PEAK1: variants seen among roughly 807,000 people sequenced by gnomAD.
PEAK1 encodes the protein pseudopodium enriched atypical kinase 1.
A neutral mutation model predicts 124.7 loss-of-function variants in PEAK1; 54 were observed. That is an observed-to-expected ratio of 0.43 (90% CI 0.35 to 0.54). PEAK1 has a LOEUF of 0.54. Ranked by LOEUF, PEAK1 falls within the 20% of genes least tolerant of loss-of-function variation. The pLI, the probability that PEAK1 is intolerant of heterozygous loss-of-function variation, is 0.01. For missense variants in PEAK1, 2,046 were observed against 2,134.5 expected, an observed-to-expected ratio of 0.96 and a Z score of 0.82; for synonymous variants, 719 against 760.0, an observed-to-expected ratio of 0.95 and a Z score of 0.89.
intron 1 of PEAK1, among the ~76,000 whole-genome samples, chr15:77,387,751 T>G (rs2070075596): frequency 6.6e-6 from 1 of 151,992 alleles, no homozygotes; most frequent in Non-Finnish European, 1.5e-5. Context: ...GCAAAACAAT[T>G]AAAAATTAAA....
chr15:77,418,181 T>C, intron 1 of PEAK1: 5 of 985,352 alleles, frequency 5.1e-6, no homozygotes, highest in Non-Finnish European at 6.0e-6. Context: ...GGTATCATAA[T>C]AGTTCAAAGT....
At chr15:77,222,973 C>T (rs2059456168) in intron 6 of PEAK1, among the ~76,000 whole-genome samples, 1 of 151,992 alleles carries the variant, frequency 6.6e-6, no homozygotes, top group Non-Finnish European at 1.5e-5. Context: ...ATTGGTAATA[C>T]CTGCGAGCTT....
At chr15:77,255,613 T>C (rs113043347) in intron 5 of PEAK1, 3,418 of 152,736 alleles carry the variant, frequency 0.022, 63 homozygotes, top group Non-Finnish European at 0.037. Flanking sequence ...AGCCCTTTCT[T>C]CCAGAACATT....
In PEAK1 at chr15:77,346,609, C is replaced by A. The variant is rs1016075205; in HGVS notation, c.-603+18554G>T. 8 of 985,062 alleles carry A rather than the reference C, an allele frequency of 8.1e-6. No individual in the cohort carries two copies. In the Admixed American group the frequency reaches 1.8e-4, roughly 23 times the overall value. 61.0% of individuals were successfully genotyped at this position (985,062 alleles called of 1,614,324 possible). On this transcript the variant is annotated intron_variant, in intron 2 of 9. Transcript: ENST00000682557. ...GTTTTTCCCTTCTTCTAAAAGAATT[C>A]AACTAGGAGACAAAACAGCGAAGAA... is the stretch of plus-strand genomic sequence containing the variant.
At chr15:77,307,392 A>C (rs1567236781) in intron 2 of PEAK1, among the ~76,000 whole-genome samples, 3 of 152,122 alleles carry the variant, frequency 2.0e-5, no homozygotes, top group Admixed American at 6.5e-5. Context: ...ACATTACCAG[A>C]ATAAAAGATC....
chr15:77,297,121 T>C (rs921761836), intron 2 of PEAK1, among the ~76,000 whole-genome samples: 3 of 151,878 alleles, frequency 2.0e-5, no homozygotes, highest in African/African-American at 7.3e-5. Flanking sequence ...TTTAGATGAT[T>C]TGTATTTGCT....
chr15:77,374,017 A>C (rs922186667), intron 1 of PEAK1, among the ~76,000 whole-genome samples: 1 of 152,206 alleles, frequency 6.6e-6, no homozygotes. Flanking sequence ...TGTGCAAAAA[A>C]ATCTTCAATG....
chr15:77,188,546 A>C (rs1352149145), intron 6 of PEAK1, among the ~76,000 whole-genome samples: 1 of 152,220 alleles, frequency 6.6e-6, no homozygotes, highest in Non-Finnish European at 1.5e-5. Flanking sequence ...ATCAGAGAAG[A>C]AGTTAAAGTA....
At chr15:77,362,554 C>T (rs1241177320) in intron 2 of PEAK1, among the ~76,000 whole-genome samples, 2 of 152,050 alleles carry the variant, frequency 1.3e-5, no homozygotes, top group Non-Finnish European at 2.9e-5. Flanking sequence ...TCATTCATTG[C>T]TAGTAGGAAT....
At chr15:77,371,250 C>T (rs909640807) in intron 1 of PEAK1, 4 of 980,188 alleles carry the variant, frequency 4.1e-6, no homozygotes, top group Non-Finnish European at 4.8e-6. Flanking sequence ...AAACCTAGGG[C>T]CTAGTAGATG....
intron 9 of PEAK1, among the ~76,000 whole-genome samples, chr15:77,118,137 G>A (rs1175252879): frequency 3.3e-5 from 5 of 152,188 alleles, no homozygotes; most frequent in Admixed American, 1.3e-4. Context: ...ACATAGACAG[G>A]TTGAAGAATA....
chr15:77,165,233 G>A (rs909664987), intron 7 of PEAK1, among the ~76,000 whole-genome samples: 4 of 144,664 alleles, frequency 2.8e-5, no homozygotes, highest in African/African-American at 1.0e-4. Context: ...AGTGCTCTGT[G>A]GCCCAGGCCG....
intron 2 of PEAK1, chr15:77,333,381 G>T (rs1008294113): frequency 1.0e-6 from 1 of 983,396 alleles, no homozygotes; most frequent in Non-Finnish European, 1.2e-6. Flanking sequence ...ACCAATGGTG[G>T]TTTTGTGGTT....
At chr15:77,144,461 T>C (rs577671775) in intron 8 of PEAK1, among the ~76,000 whole-genome samples, 2 of 152,316 alleles carry the variant, frequency 1.3e-5, no homozygotes, top group African/African-American at 4.8e-5. Context: ...TTTAGCCTTT[T>C]ATAAAGTGTG....
At chr15:77,168,237 G>GCGCGCACACA (rs1555428545) in intron 7 of PEAK1, among the ~76,000 whole-genome samples, 2 of 147,178 alleles carry the variant, frequency 1.4e-5, no homozygotes, top group East Asian at 4.0e-4. Flanking sequence ...ATGTGCGCGC[G>GCGCGCACACA]CACACACACA....
chr15:77,171,674 G>A (rs1303376807), intron 7 of PEAK1, among the ~76,000 whole-genome samples: 1 of 152,114 alleles, frequency 6.6e-6, no homozygotes, highest in Admixed American at 6.5e-5. Flanking sequence ...TAGCTAGAAG[G>A]AGGATACTGA....
At chr15:77,381,328 C>G (rs1027353245) in intron 1 of PEAK1, 6 of 805,530 alleles carry the variant, frequency 7.4e-6, no homozygotes, top group Middle Eastern at 6.3e-4. Context: ...GGCGAAAGCA[C>G]TGCTTGAGGC....
Position 77,179,187 on chromosome 15 carries a change from T to A in PEAK1, c.2740A>T (p.Ser914Cys). ...EAESVLHSEG[S>C]RRAADAKPKR... ...GGTTTTGCATCAGCTGCCCGCCTGC[T>A]GCCTTCAGAGTGCAAAACTGATTCA... The change falls in exon 7 of 10, where the codon AGC becomes TGC. Residue 914 changes from serine (S) to cysteine (C), a missense_variant. Ser to Cys is a moderately radical substitution (Grantham distance 112). Transcript: ENST00000682557. 5.6e-6 allele frequency: 9 copies of A among 1,614,208 alleles called. No individual in the cohort carries two copies. Among genetic ancestry groups the A allele is most frequent in the Non-Finnish European group, 6.8e-6 (8 of 1,180,022 alleles).
At chr15:77,125,132 G>A (rs769117619) in intron 9 of PEAK1, among the ~76,000 whole-genome samples, 3 of 152,018 alleles carry the variant, frequency 2.0e-5, no homozygotes, top group South Asian at 2.1e-4. Context: ...TTTTTTGAAG[G>A]GTCAAGAAAT....
Sources: gnomAD v4.1 joint callset for allele counts (sites outside exome capture counted in the v4.1 genomes callset) on GRCh38, gnomAD v4.1.1 for gene constraint, MANE v1.5 for transcripts, NCBI Gene and HGNC (gene_info 2026-07-23, HGNC 2026-07-21) for gene names.